TANK: variants seen among roughly 807,000 people sequenced by gnomAD.
TANK encodes TRAF family member-associated NF-kappa-B activator.
A neutral mutation model predicts 43.6 loss-of-function variants in TANK; 15 were observed. The observed-to-expected ratio is 0.34, with a 90% CI of 0.23 to 0.53. The LOEUF (loss-of-function observed/expected upper bound fraction) is 0.53, where lower values mean the gene tolerates loss of function less well. Among genes scored for constraint, TANK ranks in the 20% least tolerant of loss-of-function variants. TANK has a pLI of 0.94. For missense variants in TANK, 417 were observed against 498.6 expected, an observed-to-expected ratio of 0.84 and a Z score of 1.56; for synonymous variants, 162 against 178.2, an observed-to-expected ratio of 0.91 and a Z score of 0.73.
chr2:161,160,948 G>A (rs1431459760), intron 1 of TANK: 1 of 428,386 alleles, frequency 2.3e-6, no homozygotes, highest in Non-Finnish European at 4.6e-6. Flanking sequence ...GTTTTCCCAA[G>A]GTGGTTGCAC....
chr2:161,220,136 G>A lies in TANK; in HGVS notation c.328-3779G>A, dbSNP rs1425362537. ...AAATATTCCTTTGCATGCAAGGATC[G>A]TAACTAAAGTTTAAAGGGAGTCTTT... On this transcript the variant is annotated intron_variant, in intron 4 of 7. Coordinates refer to ENST00000392749, the MANE Select transcript of TANK (RefSeq NM_001199135.3). 4.6e-5 allele frequency among the ~76,000 whole-genome samples: 7 copies of A among 152,286 alleles called. No individual in the cohort carries two copies. In the East Asian group the frequency reaches 7.7e-4, roughly 17 times the overall value.
At chr2:161,186,925 A>G (rs1360841008) in intron 2 of TANK, among the ~76,000 whole-genome samples, 2 of 152,334 alleles carry the variant, frequency 1.3e-5, no homozygotes, top group African/African-American at 2.4e-5. Context: ...AATGCTTACC[A>G]TACTAATCAT....
intron 1 of TANK, chr2:161,160,739 C>A: frequency 3.6e-6 from 2 of 555,164 alleles, no homozygotes; most frequent in Admixed American, 2.4e-5. Flanking sequence ...GCATCGTCGG[C>A]CTCTGCCCCA....
chr2:161,154,642 T>G (rs1362573724), intron 1 of TANK, among the ~76,000 whole-genome samples: 1 of 152,156 alleles, frequency 6.6e-6, no homozygotes, highest in Non-Finnish European at 1.5e-5. Flanking sequence ...ATGTACCTGA[T>G]TGGGTGACTG....
chr2:161,157,580 A>G (rs13397244), upstream of TANK, among the ~76,000 whole-genome samples: 17,526 of 152,256 alleles, frequency 0.12, 1,748 homozygotes, highest in African/African-American at 0.26. Flanking sequence ...GACTGAGAAC[A>G]TAACTGACAT....
intron 2 of TANK, among the ~76,000 whole-genome samples, chr2:161,182,019 A>G (rs187727349): frequency 1.7e-3 from 265 of 152,302 alleles, no homozygotes; most frequent in African/African-American, 6.1e-3. Context: ...TCACACAACA[A>G]CAATAATCAA....
intron 4 of TANK, among the ~76,000 whole-genome samples, chr2:161,213,599 CAAA>C (rs534652154): frequency 5.5e-5 from 3 of 54,634 alleles, no homozygotes; most frequent in Non-Finnish European, 7.8e-5. Flanking sequence ...GACTTTGTCT[CAAA>C]AAAAAAAAAA....
At chr2:161,150,419 C>T (rs1011534456) in intron 1 of TANK, among the ~76,000 whole-genome samples, 2 of 151,914 alleles carry the variant, frequency 1.3e-5, no homozygotes, top group Admixed American at 6.6e-5. Flanking sequence ...TTTCCAAGAA[C>T]CAACTTCTAG....
chr2:161,150,443 C>G (rs1039942424), intron 1 of TANK, among the ~76,000 whole-genome samples: 1 of 151,898 alleles, frequency 6.6e-6, no homozygotes, highest in African/African-American at 2.4e-5. Context: ...CATTGATTCT[C>G]TCAACTGTGT....
At chr2:161,175,279 G>T (rs761011430) in intron 1 of TANK, among the ~76,000 whole-genome samples, 4 of 152,138 alleles carry the variant, frequency 2.6e-5, no homozygotes, top group Non-Finnish European at 5.9e-5. Flanking sequence ...GCACTTTGCA[G>T]CTGACTCTAA....
chr2:161,162,523 T>C (rs1032534748), intron 1 of TANK: 1 of 152,142 alleles, frequency 6.6e-6, no homozygotes, highest in Non-Finnish European at 1.5e-5. Flanking sequence ...TCTTTCTTTC[T>C]TTGCTTTAGT....
chr2:161,211,692 CT>C (rs1686895227), intron 4 of TANK: 3 of 942,608 alleles, frequency 3.2e-6, no homozygotes, highest in Admixed American at 6.2e-5. Flanking sequence ...AAATTTGCCC[CT>C]GAATTCCTTT....
chr2:161,154,113 A>T (rs1247900328), intron 1 of TANK, among the ~76,000 whole-genome samples: 1 of 152,220 alleles, frequency 6.6e-6, no homozygotes, highest in East Asian at 1.9e-4. Context: ...TGCATGTCAT[A>T]AAGAGGAAAG....
chr2:161,195,428 A>G (rs758113677), intron 2 of TANK, among the ~76,000 whole-genome samples: 7 of 152,204 alleles, frequency 4.6e-5, no homozygotes, highest in Non-Finnish European at 8.8e-5. Context: ...TTATCATTAT[A>G]TAATGATTTT....
At chr2:161,225,786 C>T (rs1358177634) in intron 6 of TANK, among the ~76,000 whole-genome samples, 3 of 152,164 alleles carry the variant, frequency 2.0e-5, no homozygotes, top group Admixed American at 2.0e-4. Flanking sequence ...GCTCTTACAT[C>T]TAGGCTATTT....
At chr2:161,145,255 T>G (rs184762932) in intron 1 of TANK, among the ~76,000 whole-genome samples, 7 of 148,354 alleles carry the variant, frequency 4.7e-5, no homozygotes, top group African/African-American at 1.7e-4. Context: ...TACAGCACAC[T>G]GATGAGTCTT....
intron 1 of TANK, among the ~76,000 whole-genome samples, chr2:161,149,888 A>G (rs1404594299): frequency 6.6e-6 from 1 of 152,082 alleles, no homozygotes; most frequent in African/African-American, 2.4e-5. Flanking sequence ...TTAGTTTGCT[A>G]GTATTTTGTG....
intron 4 of TANK, chr2:161,212,752 C>G: frequency 1.0e-6 from 1 of 985,340 alleles, no homozygotes. Flanking sequence ...CTATCCAGCC[C>G]TGATTTCTCT....
At chr2:161,141,234 C>T (rs1683738058) in intron 1 of TANK, among the ~76,000 whole-genome samples, 5 of 152,150 alleles carry the variant, frequency 3.3e-5, no homozygotes, top group Admixed American at 3.3e-4. Flanking sequence ...TGACTCCCCT[C>T]AGCCCCTGGC....
Sources: allele counts gnomAD v4.1 joint callset (sites outside exome capture counted in the v4.1 genomes callset), GRCh38; gene constraint gnomAD v4.1.1; transcripts MANE v1.5; gene names NCBI Gene and HGNC (gene_info 2026-07-23, HGNC 2026-07-21).